MAL2: variants seen among roughly 807,000 people sequenced by gnomAD.
The protein encoded by MAL2 is mal, T cell differentiation protein 2, also known as protein MAL2.
MAL2 carries 17 observed loss-of-function variants against 18.1 expected under a neutral mutation model. The observed-to-expected ratio is 0.94, with a 90% CI of 0.64 to 1.41. The LOEUF is 1.41. Among genes scored for constraint, MAL2 ranks in the 40% most tolerant of loss-of-function variants. The probability of loss-of-function intolerance (pLI) is 0.00; values close to 1 mark genes in which losing one functional copy is unlikely to be tolerated. For missense variants in MAL2, 222 were observed against 231.9 expected (o/e 0.96, Z 0.28); for synonymous variants, 102 against 102.3 (o/e 1.00, Z 0.02).
chr8:119,218,558 A>C, intron 1 of MAL2, among the ~76,000 whole-genome samples: 1 of 152,148 alleles, frequency 6.6e-6, no homozygotes. Flanking sequence ...ACCCACCGCA[A>C]TCTGCTCCTG....
chr8:119,240,134 A>G, intron 2 of MAL2, 31 bp from the exon 3 acceptor site: 1 of 1,588,164 alleles, frequency 6.3e-7, no homozygotes, highest in Non-Finnish European at 8.6e-7. Flanking sequence ...ATTTTTTTTT[A>G]ATTGCAGATG....
intron 3 of MAL2, among the ~76,000 whole-genome samples, chr8:119,241,595 T>C (rs1384458828): frequency 6.6e-6 from 1 of 152,106 alleles, no homozygotes; most frequent in Non-Finnish European, 1.5e-5. Context: ...ATAATACATG[T>C]CTAGAGTGAG....
intron 1 of MAL2, among the ~76,000 whole-genome samples, chr8:119,214,898 A>G (rs1817324489): frequency 6.6e-6 from 1 of 152,210 alleles, no homozygotes; most frequent in East Asian, 1.9e-4. Flanking sequence ...TAAATAAATA[A>G]ACACCTTGCT....
chr8:119,239,356 A>C (rs1044502524), intron 2 of MAL2, among the ~76,000 whole-genome samples: 10 of 151,892 alleles, frequency 6.6e-5, no homozygotes, highest in African/African-American at 2.4e-4. Flanking sequence ...CCATTGTGGA[A>C]GTCAGTGTGG....
At chr8:119,242,173 AC>A (rs1818061170) in intron 3 of MAL2, among the ~76,000 whole-genome samples, 1 of 152,144 alleles carries the variant, frequency 6.6e-6, no homozygotes, top group Non-Finnish European at 1.5e-5. Flanking sequence ...TCACCCTAGA[AC>A]CTACTTTCAC....
At chr8:119,220,691 G>C (rs1244749597) in intron 1 of MAL2, among the ~76,000 whole-genome samples, 1 of 152,080 alleles carries the variant, frequency 6.6e-6, no homozygotes, top group Non-Finnish European at 1.5e-5. Context: ...GCTACTCTCA[G>C]CTCCTGCCAT....
At position 119,213,509 on chromosome 8, in the gene MAL2, A is replaced by G. The variant is rs116514809; in HGVS notation, c.132+4905A>G. On this transcript the variant is annotated intron_variant, in intron 1 of 3. Coordinates refer to ENST00000614891, the MANE Select transcript of MAL2 (RefSeq NM_052886.3). ...TTTTTCCTTTGCCTCTGGATTAAAA[A>G]TCTTCATCCACATTAAAAGAATCTT... is the stretch of plus-strand genomic sequence containing the variant. 7.6e-3 allele frequency among the ~76,000 whole-genome samples: 1,151 copies of G among 152,294 alleles called. 12 individuals are homozygous for G. Among genetic ancestry groups the G allele is most frequent in the African/African-American group, 0.026 (1,100 of 41,562 alleles).
intron 2 of MAL2, 30 bp from the exon 3 acceptor site, chr8:119,240,135 A>G (rs1340705562): frequency 2.5e-6 from 4 of 1,590,206 alleles, no homozygotes; most frequent in South Asian, 1.2e-5. Context: ...TTTTTTTTTA[A>G]TTGCAGATGT....
At chr8:119,234,837 G>A (rs867680134) in intron 2 of MAL2, among the ~76,000 whole-genome samples, 1 of 151,732 alleles carries the variant, frequency 6.6e-6, no homozygotes, top group African/African-American at 2.4e-5. Flanking sequence ...ACCAAAAGTA[G>A]ATAAAACCAC....
rs141009569 is a variant in MAL2, at chr8:119,229,145, C to T, written c.303+7388C>T. On this transcript the variant is annotated intron_variant, in intron 2 of 3. Coordinates refer to ENST00000614891, the MANE Select transcript of MAL2 (RefSeq NM_052886.3). ...GGCTACGTAGCATTCTAAAGTGATGCTTCTGGTAAGCATTACCAAGTGACA... is the reference window on the plus strand; with the variant it reads ...GGCTACGTAGCATTCTAAAGTGATGTTTCTGGTAAGCATTACCAAGTGACA... 8.0e-4 allele frequency among the ~76,000 whole-genome samples: 122 copies of T among 152,264 alleles called. 1 individual carries two copies. Among genetic ancestry groups the T allele is most frequent in the African/African-American group, 2.6e-3 (109 of 41,546 alleles).
chr8:119,223,579 T>G (rs1259344913), intron 2 of MAL2, among the ~76,000 whole-genome samples: 3 of 152,184 alleles, frequency 2.0e-5, no homozygotes. Context: ...ATTGGAAATC[T>G]TTGTTTCATA....
intron 1 of MAL2, among the ~76,000 whole-genome samples, chr8:119,213,351 A>T (rs1192911450): frequency 2.1e-5 from 3 of 142,432 alleles, no homozygotes; most frequent in Admixed American, 7.3e-5. Context: ...TAACATGTAT[A>T]TGTTCTGATG....
Position 119,244,792 on chromosome 8 carries a change from A to G in MAL2, c.*1304A>G, listed in dbSNP as rs138867014. 7.2e-5 allele frequency: 11 copies of G among 152,666 alleles called. No individual in the cohort carries two copies. Among genetic ancestry groups the G allele is most frequent in the African/African-American group, 2.6e-4 (11 of 41,576 alleles). 9.5% of individuals were successfully genotyped at this position (152,666 alleles called of 1,614,324 possible). ...AACTATTTCTGGCTGAATAGCACAG[A>G]AAAGTATTTTAACCTACCTGTAGAG... On this transcript the variant is annotated 3_prime_UTR_variant, in exon 4 of 4. Transcript: ENST00000614891.
rs1342811678 is a variant in MAL2 at position 119,208,573 on chromosome 8, C to T, written c.101C>T (p.Thr34Ile). The T allele has an allele frequency of 1.4e-6, 2 of 1,396,508 alleles. No individual in the cohort carries two copies. The highest frequency in any genetic ancestry group is 1.6e-5 in the South Asian group (1 of 61,772). 86.5% of individuals were successfully genotyped at this position (1,396,508 alleles called of 1,614,324 possible). Residue 34 changes from threonine (T) to isoleucine (I), a missense_variant, in exon 1 of 4, where the codon ACC (threonine) becomes ATC (isoleucine). Thr to Ile is a moderately conservative substitution (Grantham distance 89). Transcript: ENST00000614891. The surrounding 1 kb of genome is among the most constrained non-coding windows in gnomAD (Gnocchi z 4.3). The part of the protein sequence containing the change: ...TLPAGPDILR[T>I]YSGAFVCLEI... ...CCCGCCGGCCCCGACATCCTGCGGACCTACTCGGGCGCCTTCGTCTGCCTG... is the reference window on the plus strand; with the variant it reads ...CCCGCCGGCCCCGACATCCTGCGGATCTACTCGGGCGCCTTCGTCTGCCTG...
intron 2 of MAL2, among the ~76,000 whole-genome samples, chr8:119,232,323 C>CAGTCAACAGTCATTT (rs1166183144): frequency 1.3e-5 from 2 of 152,000 alleles, no homozygotes; most frequent in Non-Finnish European, 2.9e-5. Context: ...TGGCTTCAAA[C>CAGTCAACAGTCATTT]AGTCAACAGT....
At chr8:119,241,411 G>T (rs960712578) in intron 3 of MAL2, among the ~76,000 whole-genome samples, 6 of 152,172 alleles carry the variant, frequency 3.9e-5, no homozygotes, top group Non-Finnish European at 5.9e-5. Context: ...CTGGTGGCTT[G>T]TGCCTGTAGT....
intron 2 of MAL2, among the ~76,000 whole-genome samples, chr8:119,236,515 C>T: frequency 6.6e-6 from 1 of 151,244 alleles, no homozygotes; most frequent in East Asian, 2.0e-4. Flanking sequence ...CACACCACAC[C>T]TATTCCAAAA....
chr8:119,232,289 T>C (rs1263433230), intron 2 of MAL2, among the ~76,000 whole-genome samples: 6 of 152,162 alleles, frequency 3.9e-5, no homozygotes, highest in East Asian at 3.9e-4. Context: ...CATGTTTTTC[T>C]TCCTCCAAAA....
In MAL2 at chr8:119,208,702, C is replaced by T. The variant is rs1195605714; in HGVS notation, c.132+98C>T. ...GTCTTCCTCTGCGTCCGCCCCCGGC[C>T]TCCTTCCCTTCGACGTGGCTTTGTC... On this transcript the variant is annotated intron_variant, in intron 1 of 3. Transcript: ENST00000614891. This position sits in a 1 kb window ranked among gnomAD's most constrained non-coding sequence, Gnocchi z 4.3. 9 of 1,212,186 alleles carry T rather than the reference C, an allele frequency of 7.4e-6. No homozygotes were observed. In the South Asian group the frequency reaches 1.6e-4, roughly 21 times the overall value. 75.1% of individuals were successfully genotyped at this position (1,212,186 alleles called of 1,614,324 possible).
Sources: gnomAD v4.1 joint callset for allele counts (sites outside exome capture counted in the v4.1 genomes callset) on GRCh38, gnomAD v4.1.1 for gene constraint, Gnocchi (gnomAD v3.1) non-coding constraint, MANE v1.5 for transcripts, NCBI Gene and HGNC (gene_info 2026-07-23, HGNC 2026-07-21) for gene names.